RPH3AL: variants seen among roughly 807,000 people sequenced by gnomAD.
The protein encoded by RPH3AL is rab effector Noc2.
A neutral mutation model predicts 43.1 loss-of-function variants in RPH3AL; 38 were observed. The ratio of observed to expected loss-of-function variants is 0.88; its 90% CI spans 0.68 to 1.15. The LOEUF (loss-of-function observed/expected upper bound fraction) is 1.15, where lower values mean the gene tolerates loss of function less well. Ranked by LOEUF, RPH3AL falls within the 50% of genes most tolerant of loss-of-function variation. RPH3AL has a pLI of 0.00. For synonymous variants in RPH3AL, 189 were observed against 176.3 expected (o/e 1.07, Z -0.57); for missense variants, 462 against 423.2 (o/e 1.09, Z -0.81).
chr17:314,386 G>A (rs1203747420), intron 5 of RPH3AL, among the ~76,000 whole-genome samples: 1 of 142,954 alleles, frequency 7.0e-6, no homozygotes, highest in African/African-American at 2.9e-5. Context: ...CCTGCAAGTT[G>A]GCCATTCCCA....
chr17:296,676 G>C (rs1305915417), intron 5 of RPH3AL, among the ~76,000 whole-genome samples: 1 of 152,230 alleles, frequency 6.6e-6, no homozygotes, highest in Non-Finnish European at 1.5e-5. Context: ...GGGGCAGTCA[G>C]AACCCGCAGG....
chr17:248,210 G>A (rs1425584595), intron 6 of RPH3AL, among the ~76,000 whole-genome samples: 1 of 152,156 alleles, frequency 6.6e-6, no homozygotes, highest in African/African-American at 2.4e-5. Flanking sequence ...GCTGTCCCAA[G>A]TCCCCTCTCA....
Position 331,581 on chromosome 17 carries a change from C to T in RPH3AL, c.-37+2178G>A, listed in dbSNP as rs576849351. ...AGATGGTGGGAGAGGAAGGGCAACTCGAGGAGGCACATTTTAGGAAACTGC... is the reference window on the plus strand; with the variant it reads ...AGATGGTGGGAGAGGAAGGGCAACTTGAGGAGGCACATTTTAGGAAACTGC... On this transcript the variant is annotated intron_variant, in intron 2 of 9. Coordinates refer to ENST00000331302, the MANE Select transcript of RPH3AL (RefSeq NM_006987.4). 162 of 1,281,222 alleles carry T rather than the reference C, an allele frequency of 1.3e-4. 1 individual carries two copies. The highest frequency in any genetic ancestry group is 3.5e-4 in the Admixed American group (15 of 43,238). 79.4% of individuals were successfully genotyped at this position (1,281,222 alleles called of 1,614,324 possible).
intron 8 of RPH3AL, among the ~76,000 whole-genome samples, chr17:218,694 C>T (rs1273975645): frequency 6.6e-6 from 1 of 152,184 alleles, no homozygotes; most frequent in Non-Finnish European, 1.5e-5. Flanking sequence ...CTATACCAGT[C>T]TCAATGCCCC....
chr17:258,475 G>A (rs1555545199), intron 6 of RPH3AL, among the ~76,000 whole-genome samples: 1 of 152,182 alleles, frequency 6.6e-6, no homozygotes, highest in African/African-American at 2.4e-5. Context: ...AAAGAGGAAG[G>A]GCTTGATGGG....
At chr17:331,293 A>AGATGAAGGGAGATGAAAGGG in intron 2 of RPH3AL, 2 of 279,608 alleles carry the variant, frequency 7.2e-6, no homozygotes, top group South Asian at 3.4e-5. Context: ...AGACGGAAAG[A>AGATGAAGGGAGATGAAAGGG]GCCAAATGCT....
chr17:314,628 C>T (rs1339743241), intron 5 of RPH3AL, among the ~76,000 whole-genome samples: 2 of 118,638 alleles, frequency 1.7e-5, no homozygotes, highest in East Asian at 4.3e-4. Context: ...TGCCCCACCT[C>T]CATTGACCTG....
chr17:301,987 C>T (rs991648249), intron 5 of RPH3AL, among the ~76,000 whole-genome samples: 93 of 152,344 alleles, frequency 6.1e-4, no homozygotes, highest in Non-Finnish European at 7.3e-5. Context: ...CAGAAGCACC[C>T]CCACCCTGAC....
At chr17:269,274 A>G (rs892510689) in intron 6 of RPH3AL, among the ~76,000 whole-genome samples, 4 of 151,620 alleles carry the variant, frequency 2.6e-5, no homozygotes, top group Non-Finnish European at 5.9e-5. Context: ...AGCCTCCCAG[A>G]GTGCTGGGTG....
intron 5 of RPH3AL, among the ~76,000 whole-genome samples, chr17:317,658 C>T (rs1415461742): frequency 1.3e-5 from 2 of 152,212 alleles, no homozygotes; most frequent in South Asian, 2.1e-4. Context: ...AGTTAATCCA[C>T]CTTCCTCAGC....
intron 6 of RPH3AL, chr17:261,687 G>C (rs1555546267): frequency 6.6e-6 from 1 of 152,182 alleles, no homozygotes; most frequent in Non-Finnish European, 1.5e-5. Context: ...TCAACACAAT[G>C]GGAGGGCAGA....
chr17:285,975 AC>A (rs1384184953), intron 5 of RPH3AL, among the ~76,000 whole-genome samples: 1 of 152,208 alleles, frequency 6.6e-6, no homozygotes, highest in African/African-American at 2.4e-5. Flanking sequence ...ACACGGATGA[AC>A]AGGGTGGGGC....
At chr17:284,587 C>T (rs1181108480) in intron 5 of RPH3AL, among the ~76,000 whole-genome samples, 2 of 151,980 alleles carry the variant, frequency 1.3e-5, no homozygotes, top group Non-Finnish European at 2.9e-5. Context: ...TCCATGCTCT[C>T]CCAGTGGGGA....
rs2044763157 is a variant in RPH3AL at position 331,494 on chromosome 17, G to C, written c.-37+2265C>G. On this transcript the variant is annotated intron_variant, in intron 2 of 9. Coordinates refer to ENST00000331302, the MANE Select transcript of RPH3AL (RefSeq NM_006987.4). ...TGGGACGGCTGTGCACCCCCACCCT[G>C]GCCGTGGCTGGCACCTCAGAAGGCA... 4.4e-6 allele frequency: 5 copies of C among 1,138,012 alleles called. No homozygotes were observed. The South Asian group carries it at 7.5e-5, about 17-fold the overall frequency. 70.5% of individuals were successfully genotyped at this position (1,138,012 alleles called of 1,614,324 possible).
At chr17:327,368 A>G (rs909613391) in intron 3 of RPH3AL, 99 bp downstream of exon 3, 4 of 1,094,364 alleles carry the variant, frequency 3.7e-6, no homozygotes, top group Admixed American at 1.7e-5. Flanking sequence ...CTCTCCAAAC[A>G]TCTCTTTCTG....
intron 7 of RPH3AL, among the ~76,000 whole-genome samples, chr17:238,375 G>A (rs1489353181): frequency 6.6e-6 from 1 of 152,206 alleles, no homozygotes; most frequent in Admixed American, 6.5e-5. Context: ...AAACTCCAGG[G>A]CAGACCTAGG....
chr17:231,260 A>G (rs2041224225), intron 7 of RPH3AL, among the ~76,000 whole-genome samples: 2 of 152,040 alleles, frequency 1.3e-5, no homozygotes, highest in Admixed American at 6.5e-5. Context: ...CTTGGGCTGG[A>G]ATCTCACTCC....
At chr17:236,031 C>CACACTAACGAGACGG (rs1567571960) in intron 7 of RPH3AL, among the ~76,000 whole-genome samples, 1 of 115,390 alleles carries the variant, frequency 8.7e-6, no homozygotes, top group African/African-American at 3.2e-5. Context: ...GCGGTGGCTC[C>CACACTAACGAGACGG]GTACTAACAA....
At chr17:338,965 C>T (rs73971748) in intron 1 of RPH3AL, 1,832 of 153,102 alleles carry the variant, frequency 0.012, 30 homozygotes, top group African/African-American at 0.041. Context: ...AGCTTCTGCA[C>T]GGCCCAGCCC....
Sources: allele counts gnomAD v4.1 joint callset (sites outside exome capture counted in the v4.1 genomes callset), GRCh38; gene constraint gnomAD v4.1.1; transcripts MANE v1.5; gene names NCBI Gene and HGNC (gene_info 2026-07-23, HGNC 2026-07-21).